The following LYRM4 variants were observed in gnomAD, a reference collection of about 807,000 sequenced individuals.
LYRM4 encodes the protein LYR motif-containing protein 4.
Under a neutral mutation model 11.7 loss-of-function variants are expected in LYRM4, and 9 were observed. That is an observed-to-expected ratio of 0.77 (90% confidence interval 0.46 to 1.34). The LOEUF (loss-of-function observed/expected upper bound fraction) is 1.34, where lower values mean the gene tolerates loss of function less well. LYRM4 is among the 40% of genes most tolerant of loss of function. The pLI is 0.00. For missense variants in LYRM4, 133 were observed against 112.5 expected, an observed-to-expected ratio of 1.18 and a Z score of -0.82; for synonymous variants, 42 against 40.4, an observed-to-expected ratio of 1.04 and a Z score of -0.15.
Position 5,220,262 on chromosome 6 carries a change from C to T in LYRM4, c.87-3524G>A, listed in dbSNP as rs181103264. Among the ~76,000 whole-genome samples, 183 of 152,286 alleles carry T rather than the reference C, an allele frequency of 1.2e-3. 1 individual carries two copies. The highest frequency in any genetic ancestry group is 4.2e-3 in the African/African-American group (173 of 41,554). On this transcript the variant is annotated intron_variant, in intron 1 of 2. Coordinates refer to ENST00000330636, the MANE Select transcript of LYRM4 (RefSeq NM_020408.6). ...TTACTCTGTCCCCTCCCAGAAACACCAAATGCAGCCATAATCACAGCCTCT... is the reference window on the plus strand; with the variant it reads ...TTACTCTGTCCCCTCCCAGAAACACTAAATGCAGCCATAATCACAGCCTCT...
intron 1 of LYRM4, among the ~76,000 whole-genome samples, chr6:5,231,669 T>C (rs940741738): frequency 6.6e-6 from 1 of 152,138 alleles, no homozygotes; most frequent in Non-Finnish European, 1.5e-5. Flanking sequence ...TTCCATAAAT[T>C]TGAAAATACA....
At position 5,145,085 on chromosome 6, in the gene LYRM4, C is replaced by G. The variant is rs564398016; in HGVS notation, c.208-35594G>C. On this transcript the variant is annotated intron_variant, in intron 2 of 2. Transcript: ENST00000330636. ...CGCTGGAAGAGAATTCCACAGAAAG[C>G]AGAGAACAACGGGCACATCCCTGTG... Among the ~76,000 whole-genome samples, 6 of 152,336 alleles carry G rather than the reference C, an allele frequency of 3.9e-5. No homozygotes were observed. The South Asian group carries it at 1.2e-3, about 32-fold the overall frequency.
the LYRM4 span, among the ~76,000 whole-genome samples, chr6:5,070,952 G>A: frequency 6.7e-6 from 1 of 149,616 alleles, no homozygotes; most frequent in South Asian, 2.1e-4. Flanking sequence ...AGCACTTTAA[G>A]AGGCTGAGGT....
At chr6:5,203,766 G>GC (rs1175805969) in intron 2 of LYRM4, among the ~76,000 whole-genome samples, 1 of 152,196 alleles carries the variant, frequency 6.6e-6, no homozygotes, top group Admixed American at 6.5e-5. Context: ...GCTGGGCAGG[G>GC]CCCCTCGTGT....
chr6:5,144,298 T>C (rs749649867), intron 2 of LYRM4: 1 of 1,536,402 alleles, frequency 6.5e-7, no homozygotes, highest in South Asian at 1.2e-5. Flanking sequence ...GGGTGAGGGC[T>C]AGCCTCAGTT....
At chr6:5,129,002 A>G (rs147546528) in intron 2 of LYRM4, among the ~76,000 whole-genome samples, 9 of 152,252 alleles carry the variant, frequency 5.9e-5, no homozygotes, top group Non-Finnish European at 1.3e-4. Context: ...AAACTGCTCA[A>G]TCCCCCAAAG....
intron 2 of LYRM4, chr6:5,138,668 G>A: frequency 4.7e-6 from 7 of 1,481,350 alleles, no homozygotes; most frequent in Non-Finnish European, 6.3e-6. Flanking sequence ...GCTCCCCACT[G>A]AAAACACAAG....
intron 2 of LYRM4, among the ~76,000 whole-genome samples, chr6:5,187,852 G>T (rs545747216): frequency 3.4e-4 from 51 of 151,682 alleles, no homozygotes; most frequent in East Asian, 9.7e-4. Flanking sequence ...GAAGCTGTAA[G>T]GGAGTATTTA....
chr6:5,187,672 G>T lies in LYRM4; in HGVS notation c.207+28946C>A, dbSNP rs541986764. Among the ~76,000 whole-genome samples the T allele has an allele frequency of 9.8e-4, 149 of 152,224 alleles. 1 individual carries two copies. Among genetic ancestry groups the T allele is most frequent in the African/African-American group, 3.5e-3 (147 of 41,518 alleles). On this transcript the variant is annotated intron_variant, in intron 2 of 2. Transcript: ENST00000330636. ...CAATGTAAATGATGAGTTGATGGGT[G>T]CAGCAAACCAACACAGCACATGTAT...
the LYRM4 span, among the ~76,000 whole-genome samples, chr6:5,043,604 C>T: frequency 3.9e-5 from 6 of 152,140 alleles, no homozygotes; most frequent in Non-Finnish European, 8.8e-5. Flanking sequence ...ATGCATACAC[C>T]AAACATTCCT....
At chr6:5,077,203 C>T in the LYRM4 span, among the ~76,000 whole-genome samples, 4 of 152,214 alleles carry the variant, frequency 2.6e-5, no homozygotes, top group African/African-American at 9.6e-5. Flanking sequence ...ACTCCACCAC[C>T]TCACTAGGTT....
intron 2 of LYRM4, among the ~76,000 whole-genome samples, chr6:5,187,915 ATCTC>A (rs1245394031): frequency 6.6e-6 from 1 of 152,172 alleles, no homozygotes; most frequent in Non-Finnish European, 1.5e-5. Flanking sequence ...CACTCACACA[ATCTC>A]TCTAAATGCA....
intron 2 of LYRM4, among the ~76,000 whole-genome samples, chr6:5,112,621 A>G (rs2127594947): frequency 6.6e-6 from 1 of 152,358 alleles, no homozygotes; most frequent in African/African-American, 2.4e-5. Context: ...GATGTGATCA[A>G]TGGCTGCAGA....
intron 2 of LYRM4, among the ~76,000 whole-genome samples, chr6:5,185,286 T>C (rs542165257): frequency 6.6e-6 from 1 of 152,268 alleles, no homozygotes; most frequent in Admixed American, 6.5e-5. Flanking sequence ...CCTGTGCTCA[T>C]GCTAAGGAAA....
chr6:5,036,911 G>A, the LYRM4 span, among the ~76,000 whole-genome samples: 6 of 152,184 alleles, frequency 3.9e-5, no homozygotes, highest in African/African-American at 1.2e-4. Flanking sequence ...AAGTTAGGAG[G>A]TCCTTCCTAG....
At chr6:5,128,084 A>G (rs1468011596) in intron 2 of LYRM4, among the ~76,000 whole-genome samples, 1 of 152,194 alleles carries the variant, frequency 6.6e-6, no homozygotes, top group African/African-American at 2.4e-5. Context: ...GTGGTAGACA[A>G]ATCAGCACCT....
At chr6:5,169,057 A>G (rs891220772) in intron 2 of LYRM4, among the ~76,000 whole-genome samples, 2 of 152,110 alleles carry the variant, frequency 1.3e-5, no homozygotes, top group African/African-American at 4.8e-5. Context: ...AATTAGGGGG[A>G]AAAAAGACAA....
the LYRM4 span, chr6:5,066,726 T>G: frequency 1.3e-6 from 1 of 796,650 alleles, no homozygotes; most frequent in Non-Finnish European, 2.2e-6. Flanking sequence ...CCATACGATT[T>G]GCGCCAGGGT....
chr6:5,098,291 T>C, the LYRM4 span, among the ~76,000 whole-genome samples: 2 of 152,224 alleles, frequency 1.3e-5, no homozygotes, highest in East Asian at 3.9e-4. Flanking sequence ...TGTGAGTCTC[T>C]GGTAGGGCAG....
Sources: gnomAD v4.1 joint callset for allele counts (sites outside exome capture counted in the v4.1 genomes callset) on GRCh38, gnomAD v4.1.1 for gene constraint, MANE v1.5 for transcripts, NCBI Gene and HGNC (gene_info 2026-07-23, HGNC 2026-07-21) for gene names.